Variants in LMBR1 observed in about 807,000 individuals in gnomAD.
The protein encoded by LMBR1 is limb development membrane protein 1.
LMBR1 carries 52 observed loss-of-function variants against 73.9 expected under a neutral mutation model. The observed-to-expected ratio is 0.70, with a 90% CI of 0.56 to 0.89. The LOEUF (loss-of-function observed/expected upper bound fraction) is 0.89, where lower values mean the gene tolerates loss of function less well. Ranked by LOEUF, LMBR1 falls within the 40% of genes least tolerant of loss-of-function variation. The probability of loss-of-function intolerance (pLI) is 0.00; values close to 1 mark genes in which losing one functional copy is unlikely to be tolerated. For missense variants in LMBR1, 539 were observed against 579.8 expected (o/e 0.93, Z 0.72); for synonymous variants, 215 against 209.4 (o/e 1.03, Z -0.23).
At chr7:156,689,552 TC>T (rs1806722303) in intron 15 of LMBR1, among the ~76,000 whole-genome samples, 1 of 152,126 alleles carries the variant, frequency 6.6e-6, no homozygotes, top group African/African-American at 2.4e-5. Flanking sequence ...ACAAACATTG[TC>T]ATAAAAACAG....
intron 4 of LMBR1, among the ~76,000 whole-genome samples, 189 bp downstream of exon 4, chr7:156,826,416 G>C (rs1835706138): frequency 6.6e-6 from 1 of 152,140 alleles, no homozygotes; most frequent in Non-Finnish European, 1.5e-5. Flanking sequence ...TAAGAGAAAA[G>C]TCTTTCACAA....
At position 156,821,991 on chromosome 7, in the gene LMBR1, A is replaced by G. The variant is rs539618674; in HGVS notation, c.319+4614T>C. Among the ~76,000 whole-genome samples, 28 of 152,386 alleles carry G rather than the reference A, an allele frequency of 1.8e-4. No homozygotes were observed. The South Asian group carries it at 5.4e-3, about 29-fold the overall frequency. On this transcript the variant is annotated intron_variant, in intron 4 of 16. Transcript: ENST00000353442. Reference sequence around the variant, plus strand: ...TAAACACACACGAACATGTTTATACACATACATTTCCCTAACACAGACAAA... The same window carrying G: ...TAAACACACACGAACATGTTTATACGCATACATTTCCCTAACACAGACAAA...
rs372234758 is a variant in LMBR1 at position 156,762,816 on chromosome 7, T to C, written c.619+292A>G. On this transcript the variant is annotated intron_variant, in intron 7 of 16. Transcript: ENST00000353442. ...GTGTCAGTGTATGTAAGTATGACTGTATATGAGTGTGTGAAAGTGTGTGAG... is the reference window on the plus strand; with the variant it reads ...GTGTCAGTGTATGTAAGTATGACTGCATATGAGTGTGTGAAAGTGTGTGAG... Among the ~76,000 whole-genome samples the C allele has an allele frequency of 3.3e-5, 5 of 150,266 alleles. 1 individual carries two copies. The highest frequency in any genetic ancestry group is 1.2e-4 in the African/African-American group (5 of 40,858).
At chr7:156,830,446 A>C (rs113370147) in intron 3 of LMBR1, among the ~76,000 whole-genome samples, 4 of 152,336 alleles carry the variant, frequency 2.6e-5, no homozygotes, top group Non-Finnish European at 4.4e-5. Context: ...TGGAAACAAG[A>C]CTTTATCATA....
intron 1 of LMBR1, among the ~76,000 whole-genome samples, chr7:156,883,991 C>T (rs1378705495): frequency 2.0e-5 from 3 of 152,196 alleles, no homozygotes; most frequent in African/African-American, 4.8e-5. Context: ...TGCTGCCTAC[C>T]GCAGAGGGGA....
chr7:156,844,147 A>G (rs149883319), intron 1 of LMBR1, among the ~76,000 whole-genome samples: 6,009 of 152,110 alleles, frequency 0.04, 178 homozygotes, highest in Non-Finnish European at 0.049. Context: ...CAACATGGAG[A>G]AACCCCGTCT....
chr7:156,892,895 G>T (rs775531131), intron 1 of LMBR1, 33 bp downstream of exon 1: 7 of 1,423,808 alleles, frequency 4.9e-6, no homozygotes, highest in African/African-American at 4.5e-5. Flanking sequence ...GCGGGCACGC[G>T]GGACTGTCAG....
chr7:156,770,002 C>A (rs1172137316), intron 5 of LMBR1, among the ~76,000 whole-genome samples: 2 of 152,116 alleles, frequency 1.3e-5, no homozygotes, highest in Non-Finnish European at 2.9e-5. Context: ...TCCTGACACA[C>A]CACTCTATCA....
At chr7:156,866,574 T>C (rs1019539219) in intron 1 of LMBR1, among the ~76,000 whole-genome samples, 2 of 150,880 alleles carry the variant, frequency 1.3e-5, no homozygotes, top group Non-Finnish European at 2.9e-5. Flanking sequence ...ATGTAGGACA[T>C]ACAGGAATTT....
At position 156,877,325 on chromosome 7, in the gene LMBR1, AAAG is replaced by A. The variant is rs1158835080; in HGVS notation, c.66+15600_66+15602del. Among the ~76,000 whole-genome samples the A allele has an allele frequency of 3.3e-5, 5 of 152,086 alleles. No individual in the cohort carries two copies. In the East Asian group the frequency reaches 9.6e-4, roughly 29 times the overall value. On this transcript the variant is annotated intron_variant, in intron 1 of 16. Coordinates refer to ENST00000353442, the MANE Select transcript of LMBR1 (RefSeq NM_022458.4). The stretch of plus-strand genomic sequence containing the variant: ...GATTTATAGCTGAATTCTACCAGAC[AAAG>A]AAGAATTGGTACCAATCCTATCGAC...
At chr7:156,786,938 T>A (rs1003235426) in intron 5 of LMBR1, among the ~76,000 whole-genome samples, 1 of 152,162 alleles carries the variant, frequency 6.6e-6, no homozygotes, top group Non-Finnish European at 1.5e-5. Flanking sequence ...AAATTATACA[T>A]AACATTTTTA....
intron 1 of LMBR1, among the ~76,000 whole-genome samples, chr7:156,885,404 A>G (rs866984168): frequency 1.3e-4 from 20 of 151,820 alleles, no homozygotes; most frequent in Middle Eastern, 3.4e-3. Context: ...TTCCAAAAAT[A>G]TTCTAGCCAA....
chr7:156,863,629 T>C (rs1194044535), intron 1 of LMBR1, among the ~76,000 whole-genome samples: 1 of 152,204 alleles, frequency 6.6e-6, no homozygotes, highest in Non-Finnish European at 1.5e-5. Context: ...TACAAATTCA[T>C]ACTCATACCA....
At chr7:156,892,186 T>C (rs913942741) in intron 1 of LMBR1, among the ~76,000 whole-genome samples, 3 of 152,258 alleles carry the variant, frequency 2.0e-5, no homozygotes, top group Non-Finnish European at 4.4e-5. Context: ...CCTAAGAAGT[T>C]GCTTCCATAG....
In LMBR1 at chr7:156,859,205, G is replaced by A. The variant is rs181235648; in HGVS notation, c.67-22320C>T. 1.3e-3 allele frequency among the ~76,000 whole-genome samples: 189 copies of A among 150,152 alleles called. 1 individual carries two copies. Among genetic ancestry groups the A allele is most frequent in the African/African-American group, 2.9e-3 (117 of 40,736 alleles). On this transcript the variant is annotated intron_variant, in intron 1 of 16. Transcript: ENST00000353442. Reference sequence around the variant, plus strand: ...GGAGGTTGCAGTGAGCCGAGATTGCGCCATTGCAGTCCAGCCTGGGCAACA... The same window carrying A: ...GGAGGTTGCAGTGAGCCGAGATTGCACCATTGCAGTCCAGCCTGGGCAACA...
chr7:156,725,617 G>C, intron 13 of LMBR1, 92 bp from the exon 14 acceptor site: 1 of 1,230,194 alleles, frequency 8.1e-7, no homozygotes, highest in East Asian at 2.4e-5. Context: ...CATAGGAAAA[G>C]CAAAACAAAA....
chr7:156,771,597 C>G (rs1171510072), intron 5 of LMBR1, among the ~76,000 whole-genome samples: 1 of 152,084 alleles, frequency 6.6e-6, no homozygotes, highest in Admixed American at 6.5e-5. Flanking sequence ...TAATAAAAAG[C>G]CAACTGACTA....
chr7:156,856,531 G>T (rs1796994371), intron 1 of LMBR1, among the ~76,000 whole-genome samples: 1 of 151,954 alleles, frequency 6.6e-6, no homozygotes, highest in Non-Finnish European at 1.5e-5. Context: ...AACCAGCCAG[G>T]CCAACATCGA....
At chr7:156,762,231 C>T (rs372274928) in intron 7 of LMBR1, 33 bp from the exon 8 acceptor site, 53 of 1,416,966 alleles carry the variant, frequency 3.7e-5, no homozygotes, top group Middle Eastern at 1.8e-4. Context: ...AGACAGAAAG[C>T]GACATTATAG....
Sources: gnomAD v4.1 joint callset for allele counts (sites outside exome capture counted in the v4.1 genomes callset) on GRCh38, gnomAD v4.1.1 for gene constraint, MANE v1.5 for transcripts, NCBI Gene and HGNC (gene_info 2026-07-23, HGNC 2026-07-21) for gene names.